Variants in PUS7 observed in about 807,000 individuals in gnomAD.
PUS7 encodes pseudouridylate synthase 7 homolog.
In PUS7, 48 loss-of-function variants were observed where a neutral mutation model predicts 79.8. The ratio of observed to expected loss-of-function variants is 0.60; its 90% CI spans 0.48 to 0.76. The LOEUF (loss-of-function observed/expected upper bound fraction) is 0.76. Among genes scored for constraint, PUS7 ranks in the 30% least tolerant of loss-of-function variants. PUS7 has a pLI of 0.00. For missense variants in PUS7, 729 were observed against 797.6 expected (o/e 0.91, Z 1.04); for synonymous variants, 286 against 272.2 (o/e 1.05, Z -0.50).
At chr7:105,504,239 T>G (rs1238658268) in intron 4 of PUS7, among the ~76,000 whole-genome samples, 1 of 150,824 alleles carries the variant, frequency 6.6e-6, no homozygotes, top group Non-Finnish European at 1.5e-5. Context: ...CCAGCTAATT[T>G]TTCGTATTTT....
intron 12 of PUS7, among the ~76,000 whole-genome samples, chr7:105,467,802 G>T (rs896328164): frequency 4.6e-5 from 7 of 151,878 alleles, no homozygotes; most frequent in African/African-American, 9.7e-5. Context: ...GCCAAGGCAG[G>T]CGGATCACCC....
chr7:105,464,095 A>G (rs771626238), intron 13 of PUS7, among the ~76,000 whole-genome samples: 1 of 152,224 alleles, frequency 6.6e-6, no homozygotes, highest in Non-Finnish European at 1.5e-5. Flanking sequence ...CATCCTGGCT[A>G]CAAGGTTTTC....
intron 9 of PUS7, among the ~76,000 whole-genome samples, chr7:105,476,920 T>C (rs974480578): frequency 1.3e-5 from 2 of 152,244 alleles, no homozygotes; most frequent in Admixed American, 1.3e-4. Context: ...TTCTCCATTT[T>C]TGAATTGGTT....
intron 5 of PUS7, among the ~76,000 whole-genome samples, chr7:105,501,599 T>C (rs1317945427): frequency 1.3e-5 from 2 of 152,088 alleles, no homozygotes; most frequent in African/African-American, 4.8e-5. Flanking sequence ...CTGAAGAAGA[T>C]ACAGTTGGAA....
chr7:105,480,992 C>A, intron 9 of PUS7, 60 bp downstream of exon 9: 5 of 1,537,900 alleles, frequency 3.3e-6, no homozygotes, highest in Non-Finnish European at 4.4e-6. Flanking sequence ...ACACCACCAC[C>A]AACAAACCCT....
chr7:105,521,391 G>C (rs1290031480), intron 1 of PUS7, among the ~76,000 whole-genome samples: 1 of 152,210 alleles, frequency 6.6e-6, no homozygotes, highest in Admixed American at 6.5e-5. Context: ...TGACGAGGAG[G>C]ACTCGAATTT....
chr7:105,476,254 A>C (rs145636805), intron 9 of PUS7, among the ~76,000 whole-genome samples: 4 of 152,134 alleles, frequency 2.6e-5, no homozygotes, highest in Non-Finnish European at 5.9e-5. Flanking sequence ...GGCTATTGTG[A>C]ATGCTGCTAT....
At chr7:105,483,005 G>A (rs1230551072) in intron 7 of PUS7, among the ~76,000 whole-genome samples, 1 of 151,634 alleles carries the variant, frequency 6.6e-6, no homozygotes, top group Non-Finnish European at 1.5e-5. Context: ...ATATATAGCT[G>A]GAATTCTACC....
intron 9 of PUS7, among the ~76,000 whole-genome samples, chr7:105,480,148 C>CTGT (rs1824261897): frequency 6.6e-6 from 1 of 152,188 alleles, no homozygotes. Flanking sequence ...GAATCACTTA[C>CTGT]TGAGCCAAGA....
intron 14 of PUS7, among the ~76,000 whole-genome samples, chr7:105,460,720 A>G (rs968168673): frequency 2.6e-4 from 40 of 151,096 alleles, no homozygotes; most frequent in African/African-American, 7.0e-4. Context: ...CGGACGTGGT[A>G]GCGGGCGCCT....
rs1479670832 is a variant in PUS7, at chr7:105,491,521, T to G, written c.920+19A>C. On this transcript the variant is annotated intron_variant, in intron 7 of 15. Transcript: ENST00000469408. ...CAGGATATTTACAGTATAAATCCTG[T>G]TACGTGCTCTCTACTTACTTGAGAA... The G allele has an allele frequency of 3.3e-6, 5 of 1,506,032 alleles. No homozygotes were observed. The highest frequency in any genetic ancestry group is 4.6e-6 in the Non-Finnish European group (5 of 1,091,154). The allele number at this position is 1,506,032 out of a possible 1,614,324, so 93.3% of individuals were successfully genotyped here.
chr7:105,486,349 A>C (rs1824550455), intron 7 of PUS7, among the ~76,000 whole-genome samples: 1 of 152,100 alleles, frequency 6.6e-6, no homozygotes, highest in African/African-American at 2.4e-5. Flanking sequence ...CACCGCACCC[A>C]GCTGTACATA....
intron 5 of PUS7, among the ~76,000 whole-genome samples, chr7:105,500,417 C>T (rs1275998739): frequency 1.3e-5 from 2 of 152,170 alleles, no homozygotes; most frequent in Admixed American, 1.3e-4. Context: ...GCTGTAATGG[C>T]TGCTTTGGCC....
At chr7:105,462,557 G>A in intron 14 of PUS7, 64 bp downstream of exon 14, 3 of 1,576,738 alleles carry the variant, frequency 1.9e-6, no homozygotes, top group Non-Finnish European at 2.6e-6. Context: ...TCTATATAAA[G>A]TGAAGCAAAA....
At chr7:105,513,715 G>GT (rs1825785358) in intron 1 of PUS7, among the ~76,000 whole-genome samples, 1 of 147,296 alleles carries the variant, frequency 6.8e-6, no homozygotes, top group Non-Finnish European at 1.5e-5. Flanking sequence ...GCAGGTGCCT[G>GT]TAGTCCCAGC....
chr7:105,504,091 C>T (rs566259048), intron 4 of PUS7, among the ~76,000 whole-genome samples: 1 of 134,278 alleles, frequency 7.4e-6, no homozygotes, highest in South Asian at 2.4e-4. Flanking sequence ...TTTTTTGAGA[C>T]ACAGTTTCAC....
intron 1 of PUS7, among the ~76,000 whole-genome samples, chr7:105,511,593 T>C (rs117845382): frequency 0.14 from 20,736 of 148,076 alleles, 1,837 homozygotes; most frequent in South Asian, 0.27. Flanking sequence ...GAAACCCCTC[T>C]CTAGTAAAAA....
intron 6 of PUS7, among the ~76,000 whole-genome samples, chr7:105,492,536 C>T (rs1453096891): frequency 2.2e-4 from 30 of 134,044 alleles, no homozygotes; most frequent in Admixed American, 1.0e-3. Flanking sequence ...GACAGAGTCT[C>T]GCTCTGTCGC....
Position 105,508,234 on chromosome 7 carries a change from G to T in PUS7, c.279C>A (p.Cys93Ter), listed in dbSNP as rs144317551. The change falls in exon 2 of 16, where the codon TGC (cysteine) becomes TGA (stop). Residue 93 changes from cysteine to a stop codon, truncating the protein, a stop_gained. Transcript: ENST00000469408. LOFTEE classifies it high-confidence loss of function. ...EEEEDGLSEE[C>*]EEEESESFAD... The stretch of plus-strand genomic sequence containing the variant: ...CAAAACTCTCTGATTCCTCCTCCTC[G>T]CACTCCTCTGAAAGTCCATCTTCCT... The T allele has an allele frequency of 1.9e-6, 3 of 1,613,704 alleles. No homozygotes were observed. Among genetic ancestry groups the T allele is most frequent in the Non-Finnish European group, 2.5e-6 (3 of 1,179,988 alleles).
Sources: gnomAD v4.1 joint callset for allele counts (sites outside exome capture counted in the v4.1 genomes callset) on GRCh38, gnomAD v4.1.1 for gene constraint, MANE v1.5 for transcripts, NCBI Gene and HGNC (gene_info 2026-07-23, HGNC 2026-07-21) for gene names.